The following RTN4IP1 variants were observed in gnomAD, a reference collection of about 807,000 sequenced individuals.
RTN4IP1 encodes the protein NAD(P)H oxidoreductase RTN4IP1, mitochondrial.
Under a neutral mutation model 46.6 loss-of-function variants are expected in RTN4IP1, and 32 were observed. That is an observed-to-expected ratio of 0.69 (90% CI 0.52 to 0.92). RTN4IP1 has a LOEUF of 0.92. RTN4IP1 is among the 40% of genes least tolerant of loss of function. The pLI is 0.00. For synonymous variants in RTN4IP1, 167 were observed against 161.8 expected, an observed-to-expected ratio of 1.03 and a Z score of -0.24; for missense variants, 424 against 485.8, an observed-to-expected ratio of 0.87 and a Z score of 1.20.
chr6:106,591,968 A>G (rs1237697217), intron 6 of RTN4IP1, among the ~76,000 whole-genome samples, 196 bp downstream of exon 6: 1 of 152,178 alleles, frequency 6.6e-6, no homozygotes, highest in Admixed American at 6.5e-5. Context: ...GTGCCTATCC[A>G]CATGCTGTTA....
At chr6:106,628,595 T>C (rs549812327) in intron 1 of RTN4IP1, among the ~76,000 whole-genome samples, 153 bp downstream of exon 1, 1 of 152,290 alleles carries the variant, frequency 6.6e-6, no homozygotes, top group South Asian at 2.1e-4. Context: ...GCCATTGCAA[T>C]TTCAAAAATT....
chr6:106,585,134 G>A (rs1775453280), intron 7 of RTN4IP1, among the ~76,000 whole-genome samples: 1 of 152,174 alleles, frequency 6.6e-6, no homozygotes, highest in African/African-American at 2.4e-5. Context: ...TTCTATGTCT[G>A]TCATGGCATG....
At chr6:106,594,921 CCT>C (rs1250064699) in intron 5 of RTN4IP1, among the ~76,000 whole-genome samples, 1 of 152,084 alleles carries the variant, frequency 6.6e-6, no homozygotes, top group African/African-American at 2.4e-5. Flanking sequence ...CTGCCCTCAG[CCT>C]CCCGAGTAGC....
intron 4 of RTN4IP1, among the ~76,000 whole-genome samples, chr6:106,605,512 C>T (rs769807860): frequency 1.3e-5 from 2 of 150,742 alleles, no homozygotes; most frequent in Non-Finnish European, 3.0e-5. Context: ...GTGATTACAG[C>T]CAAAGAAATC....
chr6:106,608,792 AT>A lies in RTN4IP1; in HGVS notation c.621-5871del, dbSNP rs1361926158. 2.0e-5 allele frequency among the ~76,000 whole-genome samples: 3 copies of A among 152,210 alleles called. No homozygotes were observed. In the East Asian group the frequency reaches 5.8e-4, roughly 29 times the overall value. ...GTCTTCCTAAATGAGGGAAAAAAGT[AT>A]GAAAAGTGCTTCAAAAATACATTCA... On this transcript the variant is annotated intron_variant, in intron 4 of 8. Coordinates refer to ENST00000369063, the MANE Select transcript of RTN4IP1 (RefSeq NM_032730.5).
chr6:106,627,590 G>T (rs967594445), intron 1 of RTN4IP1, among the ~76,000 whole-genome samples: 10 of 151,764 alleles, frequency 6.6e-5, no homozygotes, highest in African/African-American at 2.4e-4. Context: ...ACCACTAAAA[G>T]ACATATCTTA....
upstream of RTN4IP1, among the ~76,000 whole-genome samples, chr6:106,629,903 A>G (rs371663962): frequency 2.7e-4 from 41 of 152,036 alleles, no homozygotes; most frequent in African/African-American, 9.9e-4. Context: ...TAGCAGGGAA[A>G]TCTCTGCACC....
chr6:106,574,658 CT>C (rs1775176716), intron 8 of RTN4IP1, among the ~76,000 whole-genome samples: 1 of 152,190 alleles, frequency 6.6e-6, no homozygotes, highest in Non-Finnish European at 1.5e-5. Context: ...CCCCAGTGAT[CT>C]GTATGCACCC....
At chr6:106,620,515 G>A (rs567876135) in intron 3 of RTN4IP1, among the ~76,000 whole-genome samples, 37 of 152,240 alleles carry the variant, frequency 2.4e-4, no homozygotes, top group Admixed American at 1.8e-3. Flanking sequence ...ACAGGGGTAG[G>A]TGCACCAACT....
rs200726534 is a variant in RTN4IP1 at position 106,580,737 on chromosome 6, AC to A, written c.1083+2590del. Among the ~76,000 whole-genome samples the A allele has an allele frequency of 3.1e-3, 466 of 151,184 alleles. 3 individuals carry two copies. Among genetic ancestry groups the A allele is most frequent in the African/African-American group, 9.9e-3 (408 of 41,158 alleles). ...CTGTCTCAAAGAAAAAAAAAAAAAA[AC>A]GATCAAAATTATAAATGCATATCTC... On this transcript the variant is annotated intron_variant, in intron 8 of 8. Coordinates refer to ENST00000369063, the MANE Select transcript of RTN4IP1 (RefSeq NM_032730.5).
intron 3 of RTN4IP1, among the ~76,000 whole-genome samples, chr6:106,620,168 A>C (rs903712155): frequency 2.6e-5 from 4 of 151,622 alleles, no homozygotes; most frequent in African/African-American, 9.7e-5. Context: ...AGCTCACTGC[A>C]ACCTCTGCTC....
intron 7 of RTN4IP1, among the ~76,000 whole-genome samples, chr6:106,586,273 C>T (rs865852890): frequency 1.3e-5 from 2 of 152,240 alleles, no homozygotes; most frequent in Middle Eastern, 3.4e-3. Flanking sequence ...CGTGGGTCAG[C>T]GTTGGTCGGA....
chr6:106,619,477 T>G (rs1389530733), intron 3 of RTN4IP1, 151 bp from the exon 4 acceptor site: 1 of 839,914 alleles, frequency 1.2e-6, no homozygotes, highest in African/African-American at 1.7e-5. Context: ...TTCCTGCCTC[T>G]GCCACCTCTG....
intron 1 of RTN4IP1, among the ~76,000 whole-genome samples, chr6:106,625,116 A>G (rs553214275): frequency 6.6e-6 from 1 of 151,750 alleles, no homozygotes; most frequent in African/African-American, 2.4e-5. Context: ...CTCAGACCCA[A>G]AAGTATCTGT....
chr6:106,621,748 G>T (rs141591372), intron 2 of RTN4IP1, among the ~76,000 whole-genome samples: 1 of 152,156 alleles, frequency 6.6e-6, no homozygotes, highest in Non-Finnish European at 1.5e-5. Flanking sequence ...GTCCCAATAA[G>T]ACCACAATCT....
intron 4 of RTN4IP1, among the ~76,000 whole-genome samples, chr6:106,612,431 T>C (rs1047252128): frequency 1.1e-5 from 1 of 87,438 alleles, no homozygotes; most frequent in Non-Finnish European, 2.3e-5. Context: ...TGGGTGACAA[T>C]AGGGCATAAG....
intron 5 of RTN4IP1, among the ~76,000 whole-genome samples, chr6:106,595,621 C>T (rs991985054): frequency 2.6e-5 from 4 of 151,258 alleles, no homozygotes; most frequent in Admixed American, 2.0e-4. Context: ...CCTCAGCCTC[C>T]CGAGTAGCTG....
chr6:106,619,847 G>A (rs111649185), intron 3 of RTN4IP1, among the ~76,000 whole-genome samples: 11,228 of 151,632 alleles, frequency 0.074, 1,048 homozygotes, highest in African/African-American at 0.2. Flanking sequence ...TCCTGACCTC[G>A]TGATCCGCCC....
intron 2 of RTN4IP1, 122 bp downstream of exon 2, chr6:106,622,696 G>A (rs545053006): frequency 7.1e-5 from 69 of 972,358 alleles, no homozygotes; most frequent in South Asian, 6.0e-4. Flanking sequence ...GATTCAGGGA[G>A]CAGAAGCCCC....
Sources: gnomAD v4.1 joint callset for allele counts (sites outside exome capture counted in the v4.1 genomes callset) on GRCh38, gnomAD v4.1.1 for gene constraint, MANE v1.5 for transcripts, NCBI Gene and HGNC (gene_info 2026-07-23, HGNC 2026-07-21) for gene names.